NUDC: variants seen among roughly 807,000 people sequenced by gnomAD.
NUDC encodes nuclear migration protein nudC.
Under a neutral mutation model 45.0 loss-of-function variants are expected in NUDC, and 14 were observed. That is an observed-to-expected ratio of 0.31 (90% CI 0.21 to 0.49). The LOEUF (loss-of-function observed/expected upper bound fraction) is 0.49. Ranked by LOEUF, NUDC falls within the 20% of genes least tolerant of loss-of-function variation. NUDC has a pLI of 0.99. For missense variants in NUDC, 323 were observed against 426.2 expected (o/e 0.76, Z 2.13); for synonymous variants, 153 against 156.7 (o/e 0.98, Z 0.17).
chr1:26,904,678 A>C (rs1023505132), intron 2 of NUDC, among the ~76,000 whole-genome samples: 7 of 152,122 alleles, frequency 4.6e-5, no homozygotes, highest in African/African-American at 1.7e-4. Context: ...TGATTCTGTC[A>C]CTTATTAACT....
chr1:26,942,163 G>A (rs1417998197), intron 4 of NUDC, among the ~76,000 whole-genome samples: 1 of 151,896 alleles, frequency 6.6e-6, no homozygotes, highest in Non-Finnish European at 1.5e-5. Context: ...ATGGTGGTGG[G>A]CGCCCGTAAT....
intron 3 of NUDC, among the ~76,000 whole-genome samples, chr1:26,916,248 G>GT (rs1019768470): frequency 6.6e-6 from 1 of 151,946 alleles, no homozygotes; most frequent in Middle Eastern, 3.2e-3. Context: ...ATTAGCCAGT[G>GT]TGGTGGGGCA....
chr1:26,921,299 C>T (rs983500740), upstream of NUDC, among the ~76,000 whole-genome samples: 2 of 152,184 alleles, frequency 1.3e-5, no homozygotes, highest in African/African-American at 4.8e-5. Flanking sequence ...GCAATTTGTA[C>T]TCCCATGAAG....
intron 1 of NUDC, among the ~76,000 whole-genome samples, chr1:26,923,292 A>G (rs1312779694): frequency 6.6e-6 from 1 of 152,182 alleles, no homozygotes; most frequent in Non-Finnish European, 1.5e-5. Flanking sequence ...AGAAATAGGT[A>G]CTGCATCTTA....
At chr1:26,931,357 C>T (rs1310360547) in intron 2 of NUDC, among the ~76,000 whole-genome samples, 2 of 139,860 alleles carry the variant, frequency 1.4e-5, no homozygotes, top group African/African-American at 5.3e-5. Flanking sequence ...GGATTACAGG[C>T]ATGAACCACT....
At chr1:26,936,751 T>G (rs1416319988) in intron 2 of NUDC, among the ~76,000 whole-genome samples, 2 of 152,180 alleles carry the variant, frequency 1.3e-5, no homozygotes, top group Non-Finnish European at 2.9e-5. Flanking sequence ...TCCCACAATC[T>G]GGATTTTGCG....
intron 1 of NUDC, chr1:26,900,414 T>G (rs1295674767): frequency 1.9e-6 from 3 of 1,610,762 alleles, no homozygotes; most frequent in Non-Finnish European, 1.7e-6. Flanking sequence ...AACTGTCGCC[T>G]CCTCCTCCGC....
intron 2 of NUDC, among the ~76,000 whole-genome samples, chr1:26,940,851 A>G (rs1382817289): frequency 6.6e-6 from 1 of 151,142 alleles, no homozygotes; most frequent in Admixed American, 6.6e-5. Flanking sequence ...GCGCCTGGCT[A>G]ATTTTTTTGT....
intron 2 of NUDC, among the ~76,000 whole-genome samples, chr1:26,927,608 G>A (rs982830510): frequency 6.6e-5 from 10 of 151,820 alleles, no homozygotes; most frequent in Non-Finnish European, 5.9e-5. Flanking sequence ...ATGTTGGTCA[G>A]GTTGGTCTCG....
chr1:26,923,954 T>C, intron 1 of NUDC, 135 bp from the exon 2 acceptor site: 3 of 759,956 alleles, frequency 3.9e-6, no homozygotes, highest in Non-Finnish European at 4.8e-6. Flanking sequence ...GGGGAGATAA[T>C]CTCCTCAGTT....
At chr1:26,939,687 G>C (rs1346882770) in intron 2 of NUDC, among the ~76,000 whole-genome samples, 1 of 152,144 alleles carries the variant, frequency 6.6e-6, no homozygotes, top group Non-Finnish European at 1.5e-5. Flanking sequence ...TCAAATCTAG[G>C]TGTGATTTTG....
At chr1:26,906,868 A>T (rs1017207008) in intron 2 of NUDC, among the ~76,000 whole-genome samples, 2 of 152,002 alleles carry the variant, frequency 1.3e-5, no homozygotes, top group African/African-American at 4.8e-5. Flanking sequence ...AATAATAATA[A>T]AAATAAATAA....
intron 4 of NUDC, 56 bp downstream of exon 4, chr1:26,941,874 TC>T (rs1461460213): frequency 2.0e-6 from 3 of 1,537,724 alleles, no homozygotes; most frequent in Non-Finnish European, 2.7e-6. Context: ...TTACAGGAAA[TC>T]TCCTGCCTAC....
intron 2 of NUDC, among the ~76,000 whole-genome samples, chr1:26,910,649 G>A (rs2082021827): frequency 6.6e-6 from 1 of 152,196 alleles, no homozygotes; most frequent in Non-Finnish European, 1.5e-5. Context: ...GGGTGAAAGG[G>A]GGAGGCCGGA....
intron 1 of NUDC, chr1:26,922,176 T>C (rs746774110): frequency 1.8e-4 from 101 of 574,288 alleles, no homozygotes; most frequent in Admixed American, 3.3e-4. Flanking sequence ...AGGATCCCCC[T>C]TTAGTTTCAC....
At chr1:26,909,271 G>A (rs1203189304) in intron 2 of NUDC, among the ~76,000 whole-genome samples, 5 of 152,182 alleles carry the variant, frequency 3.3e-5, no homozygotes, top group East Asian at 1.9e-4. Flanking sequence ...CACTGAGCCC[G>A]GCCCCTAGCT....
intron 1 of NUDC, among the ~76,000 whole-genome samples, chr1:26,923,470 T>G (rs935468635): frequency 1.3e-5 from 2 of 152,170 alleles, no homozygotes; most frequent in African/African-American, 4.8e-5. Flanking sequence ...ACCCGGTAAC[T>G]TAGCCAGTGT....
intron 2 of NUDC, among the ~76,000 whole-genome samples, chr1:26,937,211 C>T (rs2082242163): frequency 6.6e-6 from 1 of 152,156 alleles, no homozygotes; most frequent in African/African-American, 2.4e-5. Flanking sequence ...GGGTGTGCCA[C>T]CCTCCCGACA....
exon 2 of NUDC, chr1:26,902,291 C>T (rs564105341): frequency 6.6e-6 from 1 of 152,264 alleles, no homozygotes; most frequent in Non-Finnish European, 1.5e-5. Context: ...GCTTCCCGAA[C>T]TTTGGCTTAC....
Sources: allele counts gnomAD v4.1 joint callset (sites outside exome capture counted in the v4.1 genomes callset), GRCh38; gene constraint gnomAD v4.1.1; transcripts MANE v1.5; gene names NCBI Gene and HGNC (gene_info 2026-07-23, HGNC 2026-07-21).